Variants in RALGPS1 observed in about 807,000 individuals in gnomAD.
RALGPS1 encodes Ral GEF with PH domain and SH3 binding motif 1.
RALGPS1 carries 19 observed loss-of-function variants against 78.8 expected under a neutral mutation model. The observed-to-expected ratio is 0.24, with a 90% CI of 0.17 to 0.35. RALGPS1 has a LOEUF of 0.35. RALGPS1 is among the 10% of genes least tolerant of loss of function. RALGPS1 has a pLI of 1.00. For synonymous variants in RALGPS1, 228 were observed against 256.3 expected (o/e 0.89, Z 1.06); for missense variants, 454 against 688.3 (o/e 0.66, Z 3.81).
At chr9:126,969,869 G>A (rs2039930238) in intron 3 of RALGPS1, among the ~76,000 whole-genome samples, 1 of 152,154 alleles carries the variant, frequency 6.6e-6, no homozygotes, top group Admixed American at 6.5e-5. Context: ...TTTTGAGAAT[G>A]CAGTGCTAAA....
chr9:127,023,615 C>G lies in RALGPS1; in HGVS notation c.217-10816C>G, dbSNP rs184808184. Among the ~76,000 whole-genome samples, 42 of 152,306 alleles carry G rather than the reference C, an allele frequency of 2.8e-4. No individual in the cohort carries two copies. The East Asian group carries it at 7.7e-3, about 28-fold the overall frequency. On this transcript the variant is annotated intron_variant, in intron 4 of 18. Transcript: ENST00000259351. ...TTTTCTGACTCCCTCAGTGCTAACGCTCCCTCCCTCTGCTACCAGGGGACC... is the reference window on the plus strand; with the variant it reads ...TTTTCTGACTCCCTCAGTGCTAACGGTCCCTCCCTCTGCTACCAGGGGACC...
intron 8 of RALGPS1, among the ~76,000 whole-genome samples, chr9:127,089,687 T>C (rs921811310): frequency 2.6e-5 from 4 of 152,352 alleles, no homozygotes; most frequent in Non-Finnish European, 5.9e-5. Flanking sequence ...CCAAACAATT[T>C]TTTGTATTAC....
chr9:127,061,255 G>A (rs7036853), intron 7 of RALGPS1, among the ~76,000 whole-genome samples: 151,305 of 152,348 alleles, frequency 0.99, 75,146 homozygotes, highest in Middle Eastern at 1. Flanking sequence ...ACCACCAGCA[G>A]CACAGCAACT....
At chr9:126,960,794 C>A (rs1307594101) in intron 1 of RALGPS1, among the ~76,000 whole-genome samples, 1 of 152,150 alleles carries the variant, frequency 6.6e-6, no homozygotes, top group African/African-American at 2.4e-5. Flanking sequence ...ATCCTTCCCC[C>A]AAATCTGCTA....
chr9:127,101,254 C>T (rs1295845555), intron 8 of RALGPS1, among the ~76,000 whole-genome samples: 1 of 152,238 alleles, frequency 6.6e-6, no homozygotes, highest in African/African-American at 2.4e-5. Context: ...TCCTCATAAG[C>T]CCCTGCACCT....
intron 11 of RALGPS1, chr9:127,178,322 G>A (rs2060003365): frequency 4.6e-6 from 2 of 432,866 alleles, no homozygotes; most frequent in Non-Finnish European, 7.3e-6. Context: ...AGTGGCAAGT[G>A]GGCAGGGCAA....
Position 127,199,217 on chromosome 9 carries a change from G to T in RALGPS1, c.1247+151G>T, listed in dbSNP as rs567793126. On this transcript the variant is annotated intron_variant, in intron 14 of 18. Transcript: ENST00000259351. ...TCAGCAGACTGGCTGGGGCAGGGCT[G>T]AGTAGGAGGGAGGATGGAAGAGCAG... is the stretch of plus-strand genomic sequence containing the variant. The T allele has an allele frequency of 1.0e-3, 786 of 751,052 alleles. 2 individuals are homozygous for T. The highest frequency in any genetic ancestry group is 1.0e-3 in the Non-Finnish European group (445 of 433,150). The allele number at this position is 751,052 out of a possible 1,614,324, so 46.5% of individuals were successfully genotyped here. A position where few individuals can be genotyped will look rare whatever the true frequency, so the allele number is the denominator to read the frequency against.
chr9:127,100,685 C>G (rs536947435), intron 8 of RALGPS1, among the ~76,000 whole-genome samples: 1 of 152,244 alleles, frequency 6.6e-6, no homozygotes, highest in East Asian at 1.9e-4. Context: ...ATGGCTCTGT[C>G]AGAGACTGTG....
intron 1 of RALGPS1, among the ~76,000 whole-genome samples, chr9:126,940,329 C>T (rs141824105): frequency 7.2e-5 from 11 of 152,074 alleles, no homozygotes; most frequent in African/African-American, 1.2e-4. Context: ...GTCCAAGCCA[C>T]GTAAATTCTG....
At chr9:127,133,608 G>A (rs920545019) in intron 8 of RALGPS1, among the ~76,000 whole-genome samples, 7 of 152,188 alleles carry the variant, frequency 4.6e-5, no homozygotes, top group Non-Finnish European at 7.3e-5. Context: ...CCTCTGCCAG[G>A]CTCTTTCTGG....
intron 4 of RALGPS1, among the ~76,000 whole-genome samples, chr9:126,983,728 G>C (rs922225778): frequency 4.6e-5 from 7 of 151,878 alleles, no homozygotes; most frequent in Non-Finnish European, 8.8e-5. Context: ...CTTATTGAAA[G>C]GTTAGTCGCA....
intron 8 of RALGPS1, among the ~76,000 whole-genome samples, chr9:127,121,876 G>A (rs1487198150): frequency 6.6e-6 from 1 of 152,180 alleles, no homozygotes; most frequent in Non-Finnish European, 1.5e-5. Flanking sequence ...GCCTCACATT[G>A]TCCCGGCCTG....
chr9:126,995,104 A>G (rs1158269573), intron 4 of RALGPS1, among the ~76,000 whole-genome samples: 1 of 152,248 alleles, frequency 6.6e-6, no homozygotes, highest in East Asian at 1.9e-4. Context: ...CATCAAGGCT[A>G]GGAAGAAACT....
intron 11 of RALGPS1, chr9:127,178,461 T>TA: frequency 9.0e-6 from 9 of 1,001,766 alleles, no homozygotes; most frequent in Non-Finnish European, 1.1e-5. Context: ...GTGCGCAACA[T>TA]AGAACACACG....
intron 1 of RALGPS1, among the ~76,000 whole-genome samples, chr9:126,935,429 A>G (rs538880379): frequency 6.6e-6 from 1 of 152,196 alleles, no homozygotes; most frequent in Admixed American, 6.5e-5. Context: ...GAAGAATCCT[A>G]GGTGCTTCAG....
chr9:127,089,284 A>G, intron 8 of RALGPS1: 1 of 798,730 alleles, frequency 1.3e-6, no homozygotes, highest in Non-Finnish European at 2.0e-6. Context: ...ATGGGTGGTG[A>G]GAGGCCATGC....
intron 8 of RALGPS1, among the ~76,000 whole-genome samples, chr9:127,134,335 G>A (rs1335744641): frequency 6.6e-6 from 1 of 152,212 alleles, no homozygotes; most frequent in East Asian, 1.9e-4. Flanking sequence ...CAGGCCTGCT[G>A]TGTGCCTGGC....
intron 8 of RALGPS1, among the ~76,000 whole-genome samples, chr9:127,097,128 A>G (rs2053218684): frequency 6.6e-6 from 1 of 152,248 alleles, no homozygotes; most frequent in Non-Finnish European, 1.5e-5. Context: ...AAAATAAAAC[A>G]TAAAAATTTA....
At chr9:127,156,328 G>GAA (rs1352379899) in intron 8 of RALGPS1, among the ~76,000 whole-genome samples, 34 of 152,120 alleles carry the variant, frequency 2.2e-4, no homozygotes, top group Admixed American at 1.2e-3. Flanking sequence ...GGAATTACTG[G>GAA]GTCCTAGAAA....
Sources: allele counts gnomAD v4.1 joint callset (sites outside exome capture counted in the v4.1 genomes callset), GRCh38; gene constraint gnomAD v4.1.1; transcripts MANE v1.5; gene names NCBI Gene and HGNC (gene_info 2026-07-23, HGNC 2026-07-21).